Variants in PPARGC1B observed in about 807,000 individuals in gnomAD.
PPARGC1B encodes peroxisome proliferator-activated receptor gamma coactivator 1-beta.
A neutral mutation model predicts 101.6 loss-of-function variants in PPARGC1B; 34 were observed. The observed-to-expected ratio is 0.33, with a 90% CI of 0.25 to 0.45. The LOEUF is 0.45. Among genes scored for constraint, PPARGC1B ranks in the 20% least tolerant of loss-of-function variants. PPARGC1B has a pLI of 1.00. For missense variants in PPARGC1B, 1,234 were observed against 1,317.6 expected, an observed-to-expected ratio of 0.94 and a Z score of 0.98; for synonymous variants, 548 against 539.3, an observed-to-expected ratio of 1.02 and a Z score of -0.22.
chr5:149,826,970 T>C (rs1429225999), intron 3 of PPARGC1B, 85 bp downstream of exon 3: 20 of 1,061,242 alleles, frequency 1.9e-5, no homozygotes, highest in Non-Finnish European at 2.5e-5. Flanking sequence ...AGCAATCCGC[T>C]CCAGCCCCGC....
intron 1 of PPARGC1B, among the ~76,000 whole-genome samples, chr5:149,745,120 C>T (rs144827283): frequency 6.6e-5 from 10 of 152,082 alleles, no homozygotes; most frequent in African/African-American, 1.2e-4. Context: ...GGGCTGGTCT[C>T]GAACTCCTAG....
intron 2 of PPARGC1B, among the ~76,000 whole-genome samples, chr5:149,823,553 A>C (rs1046997492): frequency 2.0e-5 from 3 of 152,070 alleles, no homozygotes; most frequent in Non-Finnish European, 4.4e-5. Context: ...GAGTCTATTA[A>C]TATCCCTTCC....
chr5:149,745,475 AC>A (rs1482372576), intron 1 of PPARGC1B, among the ~76,000 whole-genome samples: 1 of 152,020 alleles, frequency 6.6e-6, no homozygotes, highest in Non-Finnish European at 1.5e-5. Flanking sequence ...CTCTGATGAC[AC>A]CCCTGCTTTG....
Position 149,765,966 on chromosome 5 carries a change from C to T in PPARGC1B, c.78+35546C>T, listed in dbSNP as rs144607077. 3.7e-3 allele frequency among the ~76,000 whole-genome samples: 566 copies of T among 151,774 alleles called. 3 individuals carry two copies. The highest frequency in any genetic ancestry group is 0.012 in the African/African-American group (517 of 41,380). On this transcript the variant is annotated intron_variant, in intron 1 of 11. Coordinates refer to ENST00000309241, the MANE Select transcript of PPARGC1B (RefSeq NM_133263.4). ...TTAAAGTACTTGACAATACCTGGCA[C>T]ATAGTAATTGCCCAGTTTATTTAAG...
intron 2 of PPARGC1B, among the ~76,000 whole-genome samples, chr5:149,823,821 G>C (rs1217463883): frequency 6.6e-6 from 1 of 152,150 alleles, no homozygotes; most frequent in Non-Finnish European, 1.5e-5. Context: ...TACCCAAATT[G>C]ATGGGTGCTT....
rs1759758111 is a variant in PPARGC1B, at chr5:149,851,440, T to A, written c.*3882T>A. ...GTGAAGCAAAATCAGCCCCAGAGGA[T>A]GTATTGATCTGACTCACTGATGTCA... On this transcript the variant is annotated 3_prime_UTR_variant, in exon 12 of 12. Transcript: ENST00000309241. The A allele has an allele frequency of 6.6e-6, 1 of 152,156 alleles. No homozygotes were observed. 9.4% of individuals were successfully genotyped at this position (152,156 alleles called of 1,614,324 possible). A position where few individuals can be genotyped will look rare whatever the true frequency, so the allele number is the denominator to read the frequency against.
chr5:149,746,650 T>C (rs1020790072), intron 1 of PPARGC1B, among the ~76,000 whole-genome samples: 1 of 152,204 alleles, frequency 6.6e-6, no homozygotes, highest in Non-Finnish European at 1.5e-5. Flanking sequence ...GGTAGTTCTA[T>C]TGTTAATGTT....
chr5:149,839,968 T>C (rs1367280985), intron 8 of PPARGC1B, 73 bp from the exon 9 acceptor site: 27 of 1,465,350 alleles, frequency 1.8e-5, no homozygotes, highest in Middle Eastern at 1.7e-4. Context: ...CCTTGCGTCC[T>C]GGAGCAGATC....
At chr5:149,771,542 C>T (rs998795012) in intron 1 of PPARGC1B, among the ~76,000 whole-genome samples, 1 of 152,150 alleles carries the variant, frequency 6.6e-6, no homozygotes, top group Non-Finnish European at 1.5e-5. Context: ...CAGAGGTGGG[C>T]AGGGGATGGG....
At chr5:149,767,802 T>C (rs1755969892) in intron 1 of PPARGC1B, among the ~76,000 whole-genome samples, 1 of 149,620 alleles carries the variant, frequency 6.7e-6, no homozygotes, top group Non-Finnish European at 1.5e-5. Flanking sequence ...ACTGGTTTCA[T>C]GGAAGACAGT....
chr5:149,767,908 T>A (rs1332018770), intron 1 of PPARGC1B, among the ~76,000 whole-genome samples: 1 of 152,160 alleles, frequency 6.6e-6, no homozygotes, highest in Non-Finnish European at 1.5e-5. Flanking sequence ...GTACTTTATT[T>A]CTATTATTAT....
chr5:149,789,979 C>T (rs1325477898), intron 1 of PPARGC1B, among the ~76,000 whole-genome samples: 6 of 152,150 alleles, frequency 3.9e-5, no homozygotes, highest in Non-Finnish European at 7.4e-5. Flanking sequence ...AGGATCTGTC[C>T]TTGATTTCCA....
chr5:149,738,264 G>T (rs189520313), intron 1 of PPARGC1B, among the ~76,000 whole-genome samples: 1 of 152,118 alleles, frequency 6.6e-6, no homozygotes, highest in East Asian at 1.9e-4. Flanking sequence ...TGAATGATTA[G>T]GAAATCACTC....
intron 1 of PPARGC1B, among the ~76,000 whole-genome samples, chr5:149,735,678 A>G (rs773626324): frequency 2.6e-5 from 4 of 152,212 alleles, no homozygotes; most frequent in Admixed American, 6.5e-5. Flanking sequence ...GTGGAAGACT[A>G]ATTACCTTTG....
Position 149,836,683 on chromosome 5 carries a change from G to A in PPARGC1B, c.2228G>A (p.Cys743Tyr). ...QAPGREEDRS[C>Y]DAGAPPKDST... ...CCTGGCAGGGAGGAAGACAGAAGCTGTGATGCTGGCGCCCCACCCAAGGAC... is the reference window on the plus strand; with the variant it reads ...CCTGGCAGGGAGGAAGACAGAAGCTATGATGCTGGCGCCCCACCCAAGGAC... The change falls in exon 8 of 12, where the codon TGT becomes TAT. Residue 743 changes from cysteine to tyrosine, a missense_variant. Cys to Tyr is a radical substitution (Grantham distance 194, BLOSUM62 -2). Coordinates refer to ENST00000309241, the MANE Select transcript of PPARGC1B (RefSeq NM_133263.4). 1 of 1,613,744 alleles carries A rather than the reference G, an allele frequency of 6.2e-7. No homozygotes were observed. The highest frequency in any genetic ancestry group is 8.5e-7 in the Non-Finnish European group (1 of 1,180,008).
At chr5:149,806,389 T>C (rs1477919526) in intron 1 of PPARGC1B, among the ~76,000 whole-genome samples, 1 of 152,194 alleles carries the variant, frequency 6.6e-6, no homozygotes, top group African/African-American at 2.4e-5. Context: ...CTTCACTCTC[T>C]TGCCAGGACC....
intron 1 of PPARGC1B, among the ~76,000 whole-genome samples, chr5:149,731,702 A>G (rs879717283): frequency 7.0e-6 from 1 of 142,548 alleles, no homozygotes; most frequent in Non-Finnish European, 1.5e-5. Flanking sequence ...AGCAGCTGTC[A>G]TGGGACCGGG....
At chr5:149,831,449 G>T (rs1392920773) in intron 4 of PPARGC1B, among the ~76,000 whole-genome samples, 2 of 152,164 alleles carry the variant, frequency 1.3e-5, no homozygotes, top group African/African-American at 4.8e-5. Flanking sequence ...GGGAACTGTT[G>T]CATCCAATCC....
chr5:149,757,675 A>G (rs1199496777), intron 1 of PPARGC1B, among the ~76,000 whole-genome samples: 1 of 152,232 alleles, frequency 6.6e-6, no homozygotes, highest in Admixed American at 6.5e-5. Flanking sequence ...TTTAACACCC[A>G]GCTGCTCAGA....
Sources: allele counts gnomAD v4.1 joint callset (sites outside exome capture counted in the v4.1 genomes callset), GRCh38; gene constraint gnomAD v4.1.1; transcripts MANE v1.5; gene names NCBI Gene and HGNC (gene_info 2026-07-23, HGNC 2026-07-21).